CCDC91: variants seen among roughly 807,000 people sequenced by gnomAD.
CCDC91 encodes the protein coiled-coil domain containing 91, also known as coiled-coil domain-containing protein 91.
CCDC91 carries 48 observed loss-of-function variants against 63.2 expected under a neutral mutation model. The observed-to-expected ratio is 0.76, with a 90% CI of 0.60 to 0.97. The LOEUF (loss-of-function observed/expected upper bound fraction) is 0.97, where lower values mean the gene tolerates loss of function less well. Among genes scored for constraint, CCDC91 ranks in the 50% least tolerant of loss-of-function variants. CCDC91 has a pLI of 0.00. For synonymous variants in CCDC91, 167 were observed against 165.8 expected, an observed-to-expected ratio of 1.01 and a Z score of -0.06; for missense variants, 500 against 494.6, an observed-to-expected ratio of 1.01 and a Z score of -0.10.
At chr12:28,408,913 G>A (rs1255449225) in intron 8 of CCDC91, among the ~76,000 whole-genome samples, 1 of 152,112 alleles carries the variant, frequency 6.6e-6, no homozygotes, top group African/African-American at 2.4e-5. Context: ...AAAGTGCTGG[G>A]ATTACAGGGG....
At chr12:28,363,892 A>AG (rs1433330376) in intron 7 of CCDC91, among the ~76,000 whole-genome samples, 1 of 149,716 alleles carries the variant, frequency 6.7e-6, no homozygotes, top group Admixed American at 6.7e-5. Flanking sequence ...AAAAAAAAAA[A>AG]AAAAAAGAAA....
At chr12:28,337,479 A>G (rs1391078714) in intron 6 of CCDC91, among the ~76,000 whole-genome samples, 1 of 151,626 alleles carries the variant, frequency 6.6e-6, no homozygotes, top group Non-Finnish European at 1.5e-5. Flanking sequence ...TTTTAAAATC[A>G]TGTTATTTCT....
chr12:28,193,705 T>G (rs1443040937), intron 1 of CCDC91, among the ~76,000 whole-genome samples: 1 of 152,212 alleles, frequency 6.6e-6, no homozygotes, highest in Non-Finnish European at 1.5e-5. Context: ...TTGCTCCACA[T>G]TCTGGTCAGC....
chr12:28,283,705 G>A (rs61922975), intron 3 of CCDC91, among the ~76,000 whole-genome samples: 30,666 of 152,018 alleles, frequency 0.2, 4,023 homozygotes, highest in Non-Finnish European at 0.3. Context: ...CATGAAATTT[G>A]TGTTTTATGT....
chr12:28,281,485 T>A (rs1948607310), intron 3 of CCDC91, among the ~76,000 whole-genome samples: 1 of 152,206 alleles, frequency 6.6e-6, no homozygotes, highest in East Asian at 1.9e-4. Flanking sequence ...TCTAGGGTAA[T>A]CTCTTACTTA....
At chr12:28,273,666 C>T (rs1031972149) in intron 3 of CCDC91, among the ~76,000 whole-genome samples, 41 of 152,044 alleles carry the variant, frequency 2.7e-4, no homozygotes, top group East Asian at 1.7e-3. Flanking sequence ...TCATATCCTT[C>T]GCCCACTTTT....
In CCDC91 at chr12:28,536,700, G is replaced by A. The variant is rs1942206349; in HGVS notation, c.1216-12363G>A. Among the ~76,000 whole-genome samples the A allele has an allele frequency of 2.6e-5, 4 of 152,136 alleles. No homozygotes were observed. The South Asian group carries it at 8.3e-4, about 32-fold the overall frequency. ...GCTTAGAACACTGCTTGGGATATAA[G>A]AAGTTTACTTTCAGCATTAACTTTT... On this transcript the variant is annotated intron_variant, in intron 12 of 12. Coordinates refer to ENST00000536442, the MANE Select transcript of CCDC91 (RefSeq NM_018318.5).
At chr12:28,418,016 G>A (rs1947784440) in intron 8 of CCDC91, among the ~76,000 whole-genome samples, 1 of 152,086 alleles carries the variant, frequency 6.6e-6, no homozygotes, top group African/African-American at 2.4e-5. Context: ...GAATAAATCT[G>A]CAATAAAACA....
intron 11 of CCDC91, among the ~76,000 whole-genome samples, chr12:28,472,031 A>G (rs1592768209): frequency 6.6e-6 from 1 of 152,178 alleles, no homozygotes; most frequent in Non-Finnish European, 1.5e-5. Context: ...GATTACAGGC[A>G]TGAGCCACCA....
At chr12:28,518,645 T>C (rs2141381167) in intron 12 of CCDC91, among the ~76,000 whole-genome samples, 1 of 152,200 alleles carries the variant, frequency 6.6e-6, no homozygotes, top group Non-Finnish European at 1.5e-5. Context: ...GTGCAAAAGC[T>C]CTTTAGTTTA....
intron 11 of CCDC91, among the ~76,000 whole-genome samples, chr12:28,471,758 C>CTTTTTTTTTTT (rs375850875): frequency 6.7e-6 from 1 of 149,354 alleles, no homozygotes; most frequent in Non-Finnish European, 1.5e-5. Flanking sequence ...TTTTCTCTCT[C>CTTTTTTTTTTT]TTTTTTTTTG....
intron 4 of CCDC91, 144 bp from the exon 5 acceptor site, chr12:28,306,598 G>C (rs1941266582): frequency 5.6e-6 from 3 of 532,918 alleles, no homozygotes; most frequent in Non-Finnish European, 6.4e-6. Context: ...GTCTTCTCTT[G>C]ATTTACTTAA....
chr12:28,355,157 C>CTGAA (rs971390750), intron 6 of CCDC91, among the ~76,000 whole-genome samples: 1 of 151,924 alleles, frequency 6.6e-6, no homozygotes, highest in Non-Finnish European at 1.5e-5. Context: ...GAGCATCTGC[C>CTGAA]TTTCAAGGCT....
At chr12:28,313,018 T>A (rs1480851596) in intron 6 of CCDC91, among the ~76,000 whole-genome samples, 3 of 152,034 alleles carry the variant, frequency 2.0e-5, no homozygotes, top group Non-Finnish European at 4.4e-5. Context: ...TATATTAAAT[T>A]TCTTGTTTGG....
chr12:28,371,460 T>C, intron 7 of CCDC91, among the ~76,000 whole-genome samples: 1 of 152,244 alleles, frequency 6.6e-6, no homozygotes, highest in Admixed American at 6.5e-5. Flanking sequence ...TACCGTTTCC[T>C]GGTGCCAAAA....
intron 8 of CCDC91, among the ~76,000 whole-genome samples, chr12:28,441,604 CAT>C (rs3037229): frequency 0.74 from 108,665 of 147,728 alleles, 40,257 homozygotes; most frequent in Middle Eastern, 0.8. Flanking sequence ...TGTATGTATA[CAT>C]ATATATATAT....
At chr12:28,311,898 T>C in intron 6 of CCDC91, among the ~76,000 whole-genome samples, 1 of 151,988 alleles carries the variant, frequency 6.6e-6, no homozygotes, top group South Asian at 2.1e-4. Flanking sequence ...TTGGGATATA[T>C]GAGGCTAAAA....
At chr12:28,363,876 GAAAAA>G (rs34997286) in intron 7 of CCDC91, among the ~76,000 whole-genome samples, 905 of 52,516 alleles carry the variant, frequency 0.017, 13 homozygotes, top group African/African-American at 0.078. Flanking sequence ...GGCTCCATCT[GAAAAA>G]AAAAAAAAAA....
At chr12:28,476,426 A>G (rs1285585036) in intron 11 of CCDC91, among the ~76,000 whole-genome samples, 1 of 152,174 alleles carries the variant, frequency 6.6e-6, no homozygotes, top group African/African-American at 2.4e-5. Flanking sequence ...ACCAGCGAGA[A>G]CAAAGGCACA....
Sources: allele counts gnomAD v4.1 joint callset (sites outside exome capture counted in the v4.1 genomes callset), GRCh38; gene constraint gnomAD v4.1.1; transcripts MANE v1.5; gene names NCBI Gene and HGNC (gene_info 2026-07-23, HGNC 2026-07-21).